SNUPN: variants seen among roughly 807,000 people sequenced by gnomAD.
The protein encoded by SNUPN is snurportin-1.
In SNUPN, 31 loss-of-function variants were observed where a neutral mutation model predicts 39.2. The observed-to-expected ratio is 0.79, with a 90% CI of 0.59 to 1.07. The LOEUF is 1.07. Among genes scored for constraint, SNUPN ranks in the 50% least tolerant of loss-of-function variants. The pLI is 0.00. For missense variants in SNUPN, 382 were observed against 434.2 expected, an observed-to-expected ratio of 0.88 and a Z score of 1.07; for synonymous variants, 132 against 159.0, an observed-to-expected ratio of 0.83 and a Z score of 1.28.
chr15:75,614,880 A>G (rs1892884486), intron 3 of SNUPN, among the ~76,000 whole-genome samples: 1 of 152,186 alleles, frequency 6.6e-6, no homozygotes, highest in South Asian at 2.1e-4. Context: ...TAATCCTTCT[A>G]CCAATCCTAT....
chr15:75,625,832 G>A (rs1893215027), upstream of SNUPN: 1 of 152,218 alleles, frequency 6.6e-6, no homozygotes, highest in Admixed American at 6.5e-5. Flanking sequence ...CGAACGCTGG[G>A]AGTTCCGTTG....
At chr15:75,601,067 A>G (rs1470169836) in intron 8 of SNUPN, 71 bp downstream of exon 8, 4 of 1,101,674 alleles carry the variant, frequency 3.6e-6, no homozygotes, top group South Asian at 2.5e-5. Flanking sequence ...GAATATTTTA[A>G]GACTTTGTGT....
chr15:75,617,754 G>A (rs1892973528), intron 2 of SNUPN, among the ~76,000 whole-genome samples: 1 of 151,968 alleles, frequency 6.6e-6, no homozygotes, highest in African/African-American at 2.4e-5. Flanking sequence ...GCTAATTTTT[G>A]TATTTTTTGT....
rs1892735294 is a variant in SNUPN at position 75,609,924 on chromosome 15, G to C, written c.374C>G (p.Pro125Arg). The part of the protein sequence containing the change: ...LGQEWIVVVC[P>R]VGKRALIVAS... Reference sequence around the variant, plus strand: ...CACGATAAGGGCTCTTTTTCCAACAGGGCACACGACCACAATCCATTCCTG... The same window carrying C: ...CACGATAAGGGCTCTTTTTCCAACACGGCACACGACCACAATCCATTCCTG... Residue 125 changes from proline (P) to arginine (R), a missense_variant, in exon 4 of 9, where the codon CCT (proline) becomes CGT (arginine). Pro to Arg is a moderately radical substitution (Grantham distance 103). Transcript: ENST00000308588. The C allele has an allele frequency of 6.2e-7, 1 of 1,613,908 alleles. No homozygotes were observed. The highest frequency in any genetic ancestry group is 1.7e-5 in the Admixed American group (1 of 59,962).
chr15:75,600,550 T>C (rs2075277456), intron 8 of SNUPN: 2 of 153,294 alleles, frequency 1.3e-5, no homozygotes, highest in Non-Finnish European at 2.9e-5. Flanking sequence ...GCTGGGATTA[T>C]AGGCGTGAGC....
intron 3 of SNUPN, among the ~76,000 whole-genome samples, chr15:75,610,813 T>A (rs1892758917): frequency 1.3e-5 from 2 of 151,922 alleles, no homozygotes; most frequent in Non-Finnish European, 2.9e-5. Flanking sequence ...ACAAAAACAG[T>A]GATGTGGTGA....
At chr15:75,622,519 A>T in intron 1 of SNUPN, 1 of 980,980 alleles carries the variant, frequency 1.0e-6, no homozygotes, top group South Asian at 4.7e-5. Context: ...GAGAAAGGTG[A>T]ATTCACACTT....
intron 6 of SNUPN, chr15:75,605,493 G>A: frequency 3.4e-6 from 1 of 294,068 alleles, no homozygotes; most frequent in South Asian, 3.4e-5. Flanking sequence ...TAGAGACAGG[G>A]TTTCACCATG....
At chr15:75,618,340 G>A (rs898674027) in intron 2 of SNUPN, among the ~76,000 whole-genome samples, 1 of 151,330 alleles carries the variant, frequency 6.6e-6, no homozygotes, top group African/African-American at 2.4e-5. Context: ...TTTTTTTTAC[G>A]GACCGTAGGT....
intron 1 of SNUPN, among the ~76,000 whole-genome samples, chr15:75,621,731 C>T (rs902093714): frequency 3.5e-4 from 53 of 152,066 alleles, no homozygotes; most frequent in African/African-American, 1.2e-3. Flanking sequence ...TGGAGGAAGA[C>T]AAAAGCAATC....
In SNUPN at chr15:75,601,128, G is replaced by GTT. The variant is rs754300606; in HGVS notation, c.759+8_759+9dup. ...TCATGTCAAGGCAATAAAGACAATG[G>GTT]TTTCGTTACCTCAAAAGGGAAATCC... On this transcript the variant is annotated intron_variant, in intron 8 of 8. Coordinates refer to ENST00000308588, the MANE Select transcript of SNUPN (RefSeq NM_005701.4). The GTT allele has an allele frequency of 9.4e-6, 15 of 1,602,686 alleles. No homozygotes were observed. The highest frequency in any genetic ancestry group is 8.0e-5 in the African/African-American group (6 of 74,702).
At chr15:75,622,591 T>C in intron 1 of SNUPN, 1 of 700,830 alleles carries the variant, frequency 1.4e-6, no homozygotes, top group Non-Finnish European at 1.8e-6. Flanking sequence ...GAAATCTGAC[T>C]TGCACTGCTG....
chr15:75,624,736 G>T, intron 1 of SNUPN: 1 of 1,277,676 alleles, frequency 7.8e-7, no homozygotes. Flanking sequence ...GCTGTTCTTG[G>T]CGGGTTCCTG....
rs561310462 is a variant in SNUPN, at chr15:75,615,835, C to T, written c.303+1573G>A. 3.2e-4 allele frequency among the ~76,000 whole-genome samples: 49 copies of T among 151,632 alleles called. No homozygotes were observed. The South Asian group carries it at 1.0e-2, about 31-fold the overall frequency. On this transcript the variant is annotated intron_variant, in intron 3 of 8. Coordinates refer to ENST00000308588, the MANE Select transcript of SNUPN (RefSeq NM_005701.4). ...ATGTTAGCCAGGATGGTCTCGATCT[C>T]CTGACCTCGTGATCCACCCGCCTTG...
At chr15:75,617,847 G>A (rs958042528) in intron 2 of SNUPN, among the ~76,000 whole-genome samples, 5 of 152,166 alleles carry the variant, frequency 3.3e-5, no homozygotes, top group African/African-American at 1.2e-4. Flanking sequence ...CTCCCAAAGT[G>A]CTGGGATTAT....
intron 8 of SNUPN, among the ~76,000 whole-genome samples, chr15:75,599,685 G>T (rs1384570001): frequency 6.6e-6 from 1 of 152,084 alleles, no homozygotes; most frequent in Admixed American, 6.6e-5. Context: ...GGGGCATAAG[G>T]GTTATAAATA....
chr15:75,610,013 G>T lies in SNUPN; in HGVS notation c.304-19C>A, dbSNP rs1366024313. On this transcript the variant is annotated intron_variant, in intron 3 of 8. Coordinates refer to ENST00000308588, the MANE Select transcript of SNUPN (RefSeq NM_005701.4). ...GCATCAACTGGAAATGCAAAAAATA[G>T]TGTTAAAGATCAGCAGGGGTGTGCT... The T allele has an allele frequency of 1.3e-6, 2 of 1,582,392 alleles. No individual in the cohort carries two copies. The highest frequency in any genetic ancestry group is 2.2e-5 in the South Asian group (2 of 90,320).
At position 75,609,787 on chromosome 15, in the gene SNUPN, C is replaced by T. The variant is rs1892731859; in HGVS notation, c.408+103G>A. ...TCCTGCAGGAAAGTGTTTCAAGCTCCACTCCAGGCACAGCTGTTGTGGCGT... is the reference window on the plus strand; with the variant it reads ...TCCTGCAGGAAAGTGTTTCAAGCTCTACTCCAGGCACAGCTGTTGTGGCGT... On this transcript the variant is annotated intron_variant, in intron 4 of 8. Coordinates refer to ENST00000308588, the MANE Select transcript of SNUPN (RefSeq NM_005701.4). 4.3e-6 allele frequency: 5 copies of T among 1,151,132 alleles called. No individual in the cohort carries two copies. The Admixed American group carries it at 5.8e-5, about 13-fold the overall frequency. 71.3% of individuals were successfully genotyped at this position (1,151,132 alleles called of 1,614,324 possible). A position where few individuals can be genotyped will look rare whatever the true frequency, so the allele number is the denominator to read the frequency against.
intron 7 of SNUPN, among the ~76,000 whole-genome samples, chr15:75,602,303 G>A (rs537060056): frequency 4.6e-5 from 7 of 152,154 alleles, no homozygotes; most frequent in African/African-American, 1.2e-4. Context: ...CGAGAAGGGC[G>A]GATCACGAGG....
Sources: gnomAD v4.1 joint callset for allele counts (sites outside exome capture counted in the v4.1 genomes callset) on GRCh38, gnomAD v4.1.1 for gene constraint, MANE v1.5 for transcripts, NCBI Gene and HGNC (gene_info 2026-07-23, HGNC 2026-07-21) for gene names.